PDE4B: variants seen among roughly 807,000 people sequenced by gnomAD.
The protein encoded by PDE4B is 3',5'-cyclic-AMP phosphodiesterase 4B.
PDE4B carries 20 observed loss-of-function variants against 82.2 expected under a neutral mutation model. The observed-to-expected ratio is 0.24, with a 90% CI of 0.17 to 0.35. The LOEUF (loss-of-function observed/expected upper bound fraction) is 0.35, where lower values mean the gene tolerates loss of function less well. PDE4B is among the 10% of genes least tolerant of loss of function. PDE4B has a pLI of 1.00. For synonymous variants in PDE4B, 320 were observed against 318.9 expected, an observed-to-expected ratio of 1.00 and a Z score of -0.04; for missense variants, 655 against 907.2, an observed-to-expected ratio of 0.72 and a Z score of 3.57.
chr1:65,978,891 G>A (rs1320482891), intron 3 of PDE4B, among the ~76,000 whole-genome samples: 1 of 152,114 alleles, frequency 6.6e-6, no homozygotes, highest in Admixed American at 6.5e-5. Flanking sequence ...TTTAACAGAT[G>A]TATAAAATCT....
At chr1:66,343,162 G>T (rs1661139207) in intron 8 of PDE4B, among the ~76,000 whole-genome samples, 1 of 152,126 alleles carries the variant, frequency 6.6e-6, no homozygotes, top group South Asian at 2.1e-4. Context: ...AAAAGGAAAG[G>T]CACAGATTTT....
At chr1:65,927,203 A>G (rs1647550241) in intron 3 of PDE4B, among the ~76,000 whole-genome samples, 1 of 151,826 alleles carries the variant, frequency 6.6e-6, no homozygotes, top group Non-Finnish European at 1.5e-5. Flanking sequence ...AAGATAAGAT[A>G]ACATTGTTTA....
chr1:66,035,090 A>G (rs1322222952), intron 3 of PDE4B, among the ~76,000 whole-genome samples: 1 of 152,220 alleles, frequency 6.6e-6, no homozygotes, highest in Non-Finnish European at 1.5e-5. Context: ...GCAATCCATT[A>G]CTTACCCTCA....
chr1:66,064,900 C>T (rs1239858402), intron 3 of PDE4B, among the ~76,000 whole-genome samples: 1 of 151,854 alleles, frequency 6.6e-6, no homozygotes, highest in Non-Finnish European at 1.5e-5. Flanking sequence ...ATAGTCTTTT[C>T]CCCTAAACTA....
chr1:65,858,749 G>A (rs1646422379), intron 1 of PDE4B, among the ~76,000 whole-genome samples: 1 of 152,048 alleles, frequency 6.6e-6, no homozygotes, highest in Non-Finnish European at 1.5e-5. Context: ...GAGACTGACT[G>A]TTTTAGCATT....
intron 3 of PDE4B, among the ~76,000 whole-genome samples, chr1:65,980,363 G>T (rs1650623799): frequency 6.6e-6 from 1 of 152,018 alleles, no homozygotes; most frequent in African/African-American, 2.4e-5. Context: ...CAGAAAAATG[G>T]TGTTTTGACT....
At chr1:66,069,908 T>A (rs925771288) in intron 3 of PDE4B, among the ~76,000 whole-genome samples, 2 of 152,080 alleles carry the variant, frequency 1.3e-5, no homozygotes, top group Non-Finnish European at 2.9e-5. Flanking sequence ...TTACTCCTTT[T>A]TGATTCTTTG....
chr1:65,894,904 G>T (rs1646892558), intron 1 of PDE4B, among the ~76,000 whole-genome samples: 1 of 152,150 alleles, frequency 6.6e-6, no homozygotes, highest in Admixed American at 6.6e-5. Flanking sequence ...AACGTGCAAA[G>T]TGTCTGGAAG....
chr1:66,054,715 G>A (rs1227708454), intron 3 of PDE4B, among the ~76,000 whole-genome samples: 3 of 152,038 alleles, frequency 2.0e-5, no homozygotes, highest in East Asian at 1.9e-4. Context: ...TCTTTCTCAT[G>A]TGTACCCTAC....
chr1:65,883,042 G>A (rs1351902000), intron 1 of PDE4B, among the ~76,000 whole-genome samples: 1 of 152,084 alleles, frequency 6.6e-6, no homozygotes, highest in Non-Finnish European at 1.5e-5. Context: ...AGCTTCATTT[G>A]CCCACCTTTA....
intron 3 of PDE4B, among the ~76,000 whole-genome samples, chr1:65,945,167 G>A (rs547284569): frequency 6.6e-6 from 1 of 151,884 alleles, no homozygotes. Flanking sequence ...TCATCCTAAA[G>A]TATAGGGTTC....
At chr1:66,315,006 A>C (rs1658931023) in intron 7 of PDE4B, among the ~76,000 whole-genome samples, 2 of 152,162 alleles carry the variant, frequency 1.3e-5, no homozygotes, top group Admixed American at 1.3e-4. Context: ...CCTTGAGGAC[A>C]ATGACAACTG....
intron 3 of PDE4B, among the ~76,000 whole-genome samples, chr1:66,019,092 T>G (rs563762402): frequency 2.6e-5 from 4 of 152,298 alleles, no homozygotes; most frequent in African/African-American, 9.6e-5. Context: ...AATGACCTGG[T>G]TAATACTGAT....
intron 8 of PDE4B, chr1:66,355,324 G>A (rs1357310734): frequency 1.7e-5 from 7 of 422,420 alleles, no homozygotes; most frequent in South Asian, 1.5e-4. Flanking sequence ...TTAATTCTAA[G>A]AAATCTTAAG....
intron 16 of PDE4B, among the ~76,000 whole-genome samples, chr1:66,369,629 A>G (rs1663525230): frequency 6.6e-6 from 1 of 152,250 alleles, no homozygotes; most frequent in African/African-American, 2.4e-5. Context: ...AAGATTTTTC[A>G]AGAAAACGAA....
intron 3 of PDE4B, chr1:66,152,410 C>T: frequency 4.7e-6 from 1 of 210,840 alleles, no homozygotes; most frequent in Non-Finnish European, 1.1e-5. Context: ...GATGAGCAGG[C>T]AGGGTGGCAG....
intron 3 of PDE4B, among the ~76,000 whole-genome samples, chr1:66,123,363 GCTTT>G (rs1645752124): frequency 6.6e-6 from 1 of 152,122 alleles, no homozygotes; most frequent in African/African-American, 2.4e-5. Flanking sequence ...TGTCCAACTT[GCTTT>G]CTAAGACACT....
At chr1:66,276,564 C>T (rs1655893079) in intron 7 of PDE4B, among the ~76,000 whole-genome samples, 1 of 152,214 alleles carries the variant, frequency 6.6e-6, no homozygotes, top group African/African-American at 2.4e-5. Context: ...ATTTCTTTCT[C>T]ATCTATCCAT....
chr1:65,906,280 C>G (rs1054055746), intron 1 of PDE4B, among the ~76,000 whole-genome samples: 1 of 152,054 alleles, frequency 6.6e-6, no homozygotes, highest in South Asian at 2.1e-4. Flanking sequence ...GGAAAAAATT[C>G]TCTAATCCAT....
Sources: gnomAD v4.1 joint callset for allele counts (sites outside exome capture counted in the v4.1 genomes callset) on GRCh38, gnomAD v4.1.1 for gene constraint, MANE v1.5 for transcripts, NCBI Gene and HGNC (gene_info 2026-07-23, HGNC 2026-07-21) for gene names.